The following ZNF860 variants were observed in gnomAD, a reference collection of about 807,000 sequenced individuals.
ZNF860 encodes the protein zinc finger protein 860.
For synonymous variants in ZNF860, 206 were observed against 248.9 expected (o/e 0.83, Z 1.62); for missense variants, 641 against 759.2 (o/e 0.84, Z 1.83).
Position 31,991,129 on chromosome 3 carries a change from T to A in ZNF860, c.*151T>A. 1 of 796,882 alleles carries A rather than the reference T, an allele frequency of 1.3e-6. No individual in the cohort carries two copies. 49.4% of individuals were successfully genotyped at this position (796,882 alleles called of 1,614,324 possible). On this transcript the variant is annotated 3_prime_UTR_variant, in exon 2 of 2. Transcript: ENST00000360311. ...TTGACTTGACATTGAGTTCAAGCAT[T>A]AATTGACATTAAAGTGTTTACGTTA...
rs73823919 is a variant in ZNF860 at position 31,988,935 on chromosome 3, G to T, written c.-145G>T. On this transcript the variant is annotated 5_prime_UTR_variant, in exon 2 of 2. Transcript: ENST00000360311. ...AAGTGCCTCCAAACCCCGACCCACA[G>T]CGACTGTGAGATAATCAGTGTTTGT... is the stretch of plus-strand genomic sequence containing the variant. 1.6e-3 allele frequency: 1,770 copies of T among 1,082,230 alleles called. 15 individuals are homozygous for T. The African/African-American group carries it at 0.023, about 14-fold the overall frequency. The allele number at this position is 1,082,230 out of a possible 1,614,324, so 67.0% of individuals were successfully genotyped here.
chr3:32,004,973 T>C, the ZNF860 span, among the ~76,000 whole-genome samples: 1 of 152,244 alleles, frequency 6.6e-6, no homozygotes, highest in Admixed American at 6.5e-5. Context: ...ACTTAATAAG[T>C]ATCCTTGGAT....
downstream of ZNF860, among the ~76,000 whole-genome samples, chr3:31,993,077 C>A (rs1325191958): frequency 6.6e-6 from 1 of 152,060 alleles, no homozygotes; most frequent in Non-Finnish European, 1.5e-5. Flanking sequence ...GAGCCAAAGA[C>A]GGGAAAATAT....
chr3:31,999,880 A>G, the ZNF860 span, among the ~76,000 whole-genome samples: 2 of 152,016 alleles, frequency 1.3e-5, no homozygotes, highest in South Asian at 2.1e-4. Flanking sequence ...GGGCCTGAAA[A>G]CCGAACCTTA....
At chr3:31,991,925 C>A (rs1043829693), downstream of ZNF860, among the ~76,000 whole-genome samples, 2 of 151,284 alleles carry the variant, frequency 1.3e-5, no homozygotes, top group African/African-American at 4.9e-5. Context: ...TTGGGTGGAT[C>A]ACTTGAGGTT....
rs765450560 is a variant in ZNF860, at chr3:31,990,790, T to C, written c.1711T>C (p.Phe571Leu). The C allele has an allele frequency of 1.2e-6, 2 of 1,611,466 alleles. No homozygotes were observed. The highest frequency in any genetic ancestry group is 2.7e-5 in the African/African-American group (2 of 74,826). Residue 571 changes from phenylalanine to leucine, a missense_variant, in exon 2 of 2, where the codon TTT (phenylalanine) becomes CTT (leucine). By Grantham distance (22) the Phe-to-Leu change is conservative. Coordinates refer to ENST00000360311, the MANE Select transcript of ZNF860 (RefSeq NM_001137674.3). ...AGAGAAACCTTACAAATGTGATGATTTTGACGAGGCCTTCAGTCAAGCTTC... is the reference window on the plus strand; with the variant it reads ...AGAGAAACCTTACAAATGTGATGATCTTGACGAGGCCTTCAGTCAAGCTTC... Reference protein sequence around the residue: ...TGEKPYKCDDFDEAFSQASSY... With the variant: ...TGEKPYKCDDLDEAFSQASSY...
At chr3:31,999,367 T>C in the ZNF860 span, among the ~76,000 whole-genome samples, 1 of 150,772 alleles carries the variant, frequency 6.6e-6, no homozygotes. Flanking sequence ...ATCTTTTTTT[T>C]TTTTTTTTTT....
At chr3:31,984,865 G>A (rs1698911761) in intron 1 of ZNF860, among the ~76,000 whole-genome samples, 1 of 152,218 alleles carries the variant, frequency 6.6e-6, no homozygotes, top group South Asian at 2.1e-4. Flanking sequence ...ACAGCTTACA[G>A]GTTAGAAGCA....
intron 1 of ZNF860, among the ~76,000 whole-genome samples, chr3:31,987,362 G>A (rs1260029740): frequency 1.3e-5 from 2 of 152,142 alleles, no homozygotes; most frequent in African/African-American, 4.8e-5. Context: ...TTCCACTACT[G>A]ATGAACACTC....
At position 31,990,910 on chromosome 3, in the gene ZNF860, A is replaced by G. The variant is rs956207390; in HGVS notation, c.1831A>G (p.Arg611Gly). The G allele has an allele frequency of 1.3e-6, 2 of 1,574,358 alleles. No homozygotes were observed. The highest frequency in any genetic ancestry group is 1.7e-6 in the Non-Finnish European group (2 of 1,158,690). ...CTTTACTTCACATTCACATCGCATTAGACATCAGAGAATCCATACCGGACA... is the reference window on the plus strand; with the variant it reads ...CTTTACTTCACATTCACATCGCATTGGACATCAGAGAATCCATACCGGACA... ...KAFTSHSHRI[R>G]HQRIHTGQKS... The change falls in exon 2 of 2, where the codon AGA (arginine) becomes GGA (glycine). Residue 611 changes from arginine to glycine, a missense_variant. By Grantham distance (125) the Arg-to-Gly change is moderately radical (BLOSUM62 -2). Transcript: ENST00000360311.
downstream of ZNF860, among the ~76,000 whole-genome samples, chr3:31,995,167 A>G (rs1385650571): frequency 6.6e-6 from 1 of 152,190 alleles, no homozygotes; most frequent in Admixed American, 6.5e-5. Context: ...TAAACATCTT[A>G]ACAGAAAACA....
At chr3:32,004,406 G>A in the ZNF860 span, among the ~76,000 whole-genome samples, 207 of 152,310 alleles carry the variant, frequency 1.4e-3, 1 homozygote, top group East Asian at 0.023. Flanking sequence ...TATTAATTCT[G>A]TTGTCACCTG....
chr3:31,989,286 C>T lies in ZNF860; in HGVS notation c.207C>T (p.Cys69=). 1 of 1,614,146 alleles carries T rather than the reference C, an allele frequency of 6.2e-7. No individual in the cohort carries two copies. Among genetic ancestry groups the T allele is most frequent in the South Asian group, 1.1e-5 (1 of 91,072 alleles). ...NLHSVDISSK[C]MMKKFSSTAQ... is the part of the protein sequence containing the mutation. ...ATTCTGTGGATATCTCTTCCAAATGCATGATGAAGAAGTTCTCATCAACAG... is the reference window on the plus strand; with the variant it reads ...ATTCTGTGGATATCTCTTCCAAATGTATGATGAAGAAGTTCTCATCAACAG... Residue 69 remains cysteine, a synonymous_variant, in exon 2 of 2, where the codon TGC becomes TGT. Coordinates refer to ENST00000360311, the MANE Select transcript of ZNF860 (RefSeq NM_001137674.3).
intron 1 of ZNF860, among the ~76,000 whole-genome samples, chr3:31,985,989 T>C (rs77797670): frequency 0.028 from 4,340 of 152,326 alleles, 111 homozygotes; most frequent in African/African-American, 0.074. Flanking sequence ...ATTTGGCTAC[T>C]GAGCGTGAGT....
At chr3:31,982,881 C>T (rs1292369173) in intron 1 of ZNF860, among the ~76,000 whole-genome samples, 1 of 152,204 alleles carries the variant, frequency 6.6e-6, no homozygotes, top group Non-Finnish European at 1.5e-5. Flanking sequence ...GGACCTTAGG[C>T]TTGGCCATGG....
At position 31,989,773 on chromosome 3, in the gene ZNF860, T is replaced by C. The variant is rs763218335; in HGVS notation, c.694T>C (p.Cys232Arg). The C allele has an allele frequency of 1.5e-5, 24 of 1,614,044 alleles. No individual in the cohort carries two copies. In the Admixed American group the frequency reaches 4.0e-4, roughly 27 times the overall value. ...ACACATAAGAGAAAAATCTTTCCAA[T>C]GTAATGAGAGTGGCAAAGCCTTTAA... Reference protein sequence around the residue: ...EVHIREKSFQCNESGKAFNCS... With the variant: ...EVHIREKSFQRNESGKAFNCS... Residue 232 changes from cysteine (C) to arginine (R), a missense_variant, in exon 2 of 2, where the codon TGT becomes CGT. Cys to Arg is a radical substitution (Grantham distance 180, BLOSUM62 -3). Transcript: ENST00000360311.
At chr3:32,002,598 A>G in the ZNF860 span, among the ~76,000 whole-genome samples, 1 of 152,156 alleles carries the variant, frequency 6.6e-6, no homozygotes, top group Admixed American at 6.5e-5. Flanking sequence ...GGTTTGAATC[A>G]AGGCTTCTTC....
the ZNF860 span, among the ~76,000 whole-genome samples, chr3:32,005,739 C>T: frequency 1.3e-5 from 2 of 151,836 alleles, no homozygotes; most frequent in South Asian, 2.1e-4. Context: ...AGGCACCTGC[C>T]GCCATGCCCA....
At position 31,990,772 on chromosome 3, in the gene ZNF860, C is replaced by T. The variant is rs765251711; in HGVS notation, c.1693C>T (p.Pro565Ser). ...TAAGAGAATTCATACTGGAGAGAAA[C>T]CTTACAAATGTGATGATTTTGACGA... ...THKRIHTGEK[P>S]YKCDDFDEAF... The change falls in exon 2 of 2, where the codon CCT becomes TCT. Residue 565 changes from proline (P) to serine (S), a missense_variant. By Grantham distance (74) the Pro-to-Ser change is moderately conservative (BLOSUM62 -1). Coordinates refer to ENST00000360311, the MANE Select transcript of ZNF860 (RefSeq NM_001137674.3). 24 of 1,613,362 alleles carry T rather than the reference C, an allele frequency of 1.5e-5. No homozygotes were observed. Among genetic ancestry groups the T allele is most frequent in the Non-Finnish European group, 1.9e-5 (22 of 1,179,630 alleles).
Sources: gnomAD v4.1 joint callset for allele counts (sites outside exome capture counted in the v4.1 genomes callset) on GRCh38, gnomAD v4.1.1 for gene constraint, MANE v1.5 for transcripts, NCBI Gene and HGNC (gene_info 2026-07-23, HGNC 2026-07-21) for gene names.